The following NRXN3 variants were observed in gnomAD, a reference collection of about 807,000 sequenced individuals.
The protein encoded by NRXN3 is neurexin 3, also known as neurexin III.
NRXN3 carries 32 observed loss-of-function variants against 137.6 expected under a neutral mutation model. The observed-to-expected ratio is 0.23, with a 90% CI of 0.18 to 0.31. The LOEUF is 0.31. Ranked by LOEUF, NRXN3 falls within the 10% of genes least tolerant of loss-of-function variation. The pLI is 1.00. For missense variants in NRXN3, 1,574 were observed against 2,062.5 expected (o/e 0.76, Z 4.59); for synonymous variants, 798 against 784.5 (o/e 1.02, Z -0.29).
intron 1 of NRXN3, among the ~76,000 whole-genome samples, chr14:78,229,196 G>A (rs1322489871): frequency 6.6e-6 from 1 of 152,052 alleles, no homozygotes; most frequent in African/African-American, 2.4e-5. Context: ...CCGTCATGGG[G>A]GAGGCTGGGA....
At chr14:78,657,814 A>C (rs1377686719) in intron 6 of NRXN3, among the ~76,000 whole-genome samples, 1 of 151,992 alleles carries the variant, frequency 6.6e-6, no homozygotes, top group Non-Finnish European at 1.5e-5. Flanking sequence ...GGGCTTTGGG[A>C]TAATGTGTTT....
Position 79,187,840 on chromosome 14 carries a change from G to A in NRXN3, c.3262+199699G>A, listed in dbSNP as rs1261228219. ...CTCAGCTGGTGTGACTAAATTGTTT[G>A]CGACTTGAGGACATGGGTCATGCCC... On this transcript the variant is annotated intron_variant, in intron 15 of 20. Coordinates refer to ENST00000335750, the MANE Select transcript of NRXN3 (RefSeq NM_001330195.2). Among the ~76,000 whole-genome samples, 11 of 152,312 alleles carry A rather than the reference G, an allele frequency of 7.2e-5. No individual in the cohort carries two copies. In the East Asian group the frequency reaches 1.9e-3, roughly 27 times the overall value.
chr14:79,290,910 C>T lies in NRXN3; in HGVS notation c.3263-176311C>T, dbSNP rs543567523. 2.0e-5 allele frequency among the ~76,000 whole-genome samples: 3 copies of T among 152,210 alleles called. No homozygotes were observed. The South Asian group carries it at 6.2e-4, about 32-fold the overall frequency. On this transcript the variant is annotated intron_variant, in intron 15 of 20. Transcript: ENST00000335750. ...ACAACTGGATCACAATAAAGCAAAA[C>T]CTCGTCAGACTCTTTGGGTCCATTC...
At chr14:78,353,190 G>A (rs1037880200) in intron 4 of NRXN3, among the ~76,000 whole-genome samples, 18 of 152,298 alleles carry the variant, frequency 1.2e-4, no homozygotes, top group Admixed American at 6.5e-4. Flanking sequence ...GAAAGTCAGG[G>A]AAAGCACAAG....
chr14:78,296,828 T>C (rs996946684), intron 3 of NRXN3, among the ~76,000 whole-genome samples: 4 of 152,308 alleles, frequency 2.6e-5, no homozygotes, highest in Admixed American at 6.5e-5. Context: ...ACTTTTTTTT[T>C]CCTTTATTAA....
At chr14:78,432,908 T>C (rs1181840756) in intron 4 of NRXN3, among the ~76,000 whole-genome samples, 2 of 152,204 alleles carry the variant, frequency 1.3e-5, no homozygotes, top group Admixed American at 1.3e-4. Context: ...AGGGAAGAGA[T>C]CTAAGGGTTG....
chr14:79,064,741 A>G (rs757317340), intron 15 of NRXN3, among the ~76,000 whole-genome samples: 9 of 29,468 alleles, frequency 3.1e-4, no homozygotes, highest in African/African-American at 1.9e-4. Context: ...ATGTATATGT[A>G]TATATATATA....
At chr14:79,339,340 T>C (rs908320287) in intron 15 of NRXN3, among the ~76,000 whole-genome samples, 1 of 152,232 alleles carries the variant, frequency 6.6e-6, no homozygotes, top group African/African-American at 2.4e-5. Context: ...AACTTGAATG[T>C]ACATCAGAAT....
At chr14:79,308,566 A>C (rs2086545898) in intron 15 of NRXN3, among the ~76,000 whole-genome samples, 1 of 152,180 alleles carries the variant, frequency 6.6e-6, no homozygotes, top group Non-Finnish European at 1.5e-5. Context: ...TGAGTGCCAA[A>C]AAAAGGAGTC....
intron 10 of NRXN3, among the ~76,000 whole-genome samples, chr14:78,894,465 C>T (rs1250794557): frequency 1.3e-5 from 2 of 151,874 alleles, no homozygotes; most frequent in Non-Finnish European, 2.9e-5. Flanking sequence ...TCAGTTTCTA[C>T]CTCTAGTTCT....
intron 15 of NRXN3, among the ~76,000 whole-genome samples, chr14:79,418,254 G>A (rs2095526012): frequency 6.6e-6 from 1 of 152,032 alleles, no homozygotes; most frequent in African/African-American, 2.4e-5. Flanking sequence ...TGACCTTACT[G>A]TTTTCAGTAA....
chr14:79,340,127 TCA>T lies in NRXN3; in HGVS notation c.3263-127091_3263-127090del, dbSNP rs1419254106. ...TATATAATGGTTTGAGTTTGCCAAG[TCA>T]CAGCCCCCTCGTTTGACCTCTGAAT... On this transcript the variant is annotated intron_variant, in intron 15 of 20. Transcript: ENST00000335750. Among the ~76,000 whole-genome samples, 8 of 151,622 alleles carry T rather than the reference TCA, an allele frequency of 5.3e-5. No homozygotes were observed. In the South Asian group the frequency reaches 6.3e-4, roughly 12 times the overall value.
intron 2 of NRXN3, among the ~76,000 whole-genome samples, chr14:78,278,407 C>T (rs1396360603): frequency 6.6e-6 from 1 of 152,180 alleles, no homozygotes; most frequent in Non-Finnish European, 1.5e-5. Context: ...GTGAAGCTTA[C>T]CTCTCTTGCT....
intron 19 of NRXN3, among the ~76,000 whole-genome samples, chr14:79,728,611 G>A (rs1278252123): frequency 6.6e-6 from 1 of 152,218 alleles, no homozygotes; most frequent in Non-Finnish European, 1.5e-5. Flanking sequence ...TCTCAGTGCA[G>A]TACAAGCAGT....
chr14:78,711,432 CTCTTTTT>C (rs1202313939), intron 7 of NRXN3, among the ~76,000 whole-genome samples: 6 of 103,222 alleles, frequency 5.8e-5, no homozygotes, highest in African/African-American at 2.2e-4. Context: ...TAATTCTTTT[CTCTTTTT>C]TTTTTTTTTT....
At chr14:79,577,945 C>A (rs1260282907) in intron 16 of NRXN3, among the ~76,000 whole-genome samples, 1 of 152,108 alleles carries the variant, frequency 6.6e-6, no homozygotes, top group East Asian at 1.9e-4. Flanking sequence ...GGTCTTTTAC[C>A]TTCAGAAATC....
chr14:79,519,665 G>C (rs547758839), intron 16 of NRXN3, among the ~76,000 whole-genome samples: 1 of 151,842 alleles, frequency 6.6e-6, no homozygotes, highest in South Asian at 2.1e-4. Context: ...CAAGAATTAA[G>C]AGAGAGTTTT....
At chr14:79,406,954 G>T (rs2095325740) in intron 15 of NRXN3, among the ~76,000 whole-genome samples, 1 of 152,148 alleles carries the variant, frequency 6.6e-6, no homozygotes, top group Non-Finnish European at 1.5e-5. Flanking sequence ...TTTCTTTAAT[G>T]AAGGTGGAAA....
At chr14:78,824,114 T>TG (rs1240930814) in intron 10 of NRXN3, among the ~76,000 whole-genome samples, 1 of 148,762 alleles carries the variant, frequency 6.7e-6, no homozygotes, top group Non-Finnish European at 1.5e-5. Context: ...TTTTTTTTTT[T>TG]TTTTTTTTTT....
Sources: allele counts gnomAD v4.1 joint callset (sites outside exome capture counted in the v4.1 genomes callset), GRCh38; gene constraint gnomAD v4.1.1; transcripts MANE v1.5; gene names NCBI Gene and HGNC (gene_info 2026-07-23, HGNC 2026-07-21).